The following FAM174B variants were observed in gnomAD, a reference collection of about 807,000 sequenced individuals.
FAM174B encodes the protein family with sequence similarity 174 member B.
In FAM174B, 12 loss-of-function variants were observed where a neutral mutation model predicts 10.9. The ratio of observed to expected loss-of-function variants is 1.10; its 90% CI spans 0.71 to 1.79. The LOEUF (loss-of-function observed/expected upper bound fraction) is 1.79, where lower values mean the gene tolerates loss of function less well. Among genes scored for constraint, FAM174B ranks in the 40% most tolerant of loss-of-function variants. The pLI, the probability that FAM174B is intolerant of heterozygous loss-of-function variation, is 0.00. For missense variants in FAM174B, 266 were observed against 233.3 expected (o/e 1.14, Z -0.91); for synonymous variants, 132 against 115.8 (o/e 1.14, Z -0.90).
intron 1 of FAM174B, among the ~76,000 whole-genome samples, chr15:92,638,652 C>A (rs1311773941): frequency 6.6e-6 from 1 of 152,210 alleles, no homozygotes; most frequent in African/African-American, 2.4e-5. Flanking sequence ...TCGTCATGAA[C>A]CCGAATTTCT....
Position 92,618,728 on chromosome 15 carries a change from GCACA to G in FAM174B, c.*724_*727del, listed in dbSNP as rs1474395382. The G allele has an allele frequency of 0.039, 5,795 of 148,602 alleles. 127 individuals are homozygous for G. The highest frequency in any genetic ancestry group is 0.076 in the Middle Eastern group (23 of 302). 9.2% of individuals were successfully genotyped at this position (148,602 alleles called of 1,614,324 possible). ...ACTGTTTTATAGGTATCACACACGT[GCACA>G]CGCACACACGTGCACACACACACAC... On this transcript the variant is annotated 3_prime_UTR_variant, in exon 3 of 3. Coordinates refer to ENST00000327355, the MANE Select transcript of FAM174B (RefSeq NM_207446.3).
At position 92,639,829 on chromosome 15, in the gene FAM174B, A is replaced by C. The variant is rs116607648; in HGVS notation, c.345-9484T>G. Among the ~76,000 whole-genome samples the C allele has an allele frequency of 5.4e-3, 829 of 152,238 alleles. 9 individuals are homozygous for C. Among genetic ancestry groups the C allele is most frequent in the African/African-American group, 0.019 (791 of 41,538 alleles). On this transcript the variant is annotated intron_variant, in intron 1 of 2. Coordinates refer to ENST00000327355, the MANE Select transcript of FAM174B (RefSeq NM_207446.3). The stretch of plus-strand genomic sequence containing the variant: ...CCCCTTTGCCTTCCACCATGATTGG[A>C]AGCTTCCTGAGGCCTCCCCAGAAGC...
chr15:92,654,483 T>A (rs2050987516), intron 1 of FAM174B, among the ~76,000 whole-genome samples: 1 of 152,150 alleles, frequency 6.6e-6, no homozygotes, highest in East Asian at 1.9e-4. Flanking sequence ...TCCACCAGGA[T>A]GGACAGGGAT....
intron 2 of FAM174B, among the ~76,000 whole-genome samples, chr15:92,628,146 A>G (rs945166139): frequency 1.3e-5 from 2 of 150,372 alleles, no homozygotes; most frequent in Non-Finnish European, 3.0e-5. Context: ...TATTATTTTC[A>G]TTGTTGTATT....
Position 92,618,980 on chromosome 15 carries a change from A to T in FAM174B, c.*476T>A. ...GAGGCCAGGACCTGACCAAGCCAAAAAAGCAGCAAAGGATCAGATGGGGTC... is the reference window on the plus strand; with the variant it reads ...GAGGCCAGGACCTGACCAAGCCAAATAAGCAGCAAAGGATCAGATGGGGTC... On this transcript the variant is annotated 3_prime_UTR_variant, in exon 3 of 3. Transcript: ENST00000327355. 1 of 588,642 alleles carries T rather than the reference A, an allele frequency of 1.7e-6. No individual in the cohort carries two copies. Among genetic ancestry groups the T allele is most frequent in the Non-Finnish European group, 3.0e-6 (1 of 331,870 alleles). The allele number at this position is 588,642 out of a possible 1,614,324, so 36.5% of individuals were successfully genotyped here.
intron 1 of FAM174B, among the ~76,000 whole-genome samples, chr15:92,649,019 G>A (rs2050947242): frequency 1.3e-5 from 2 of 152,206 alleles, no homozygotes; most frequent in African/African-American, 2.4e-5. Context: ...AAATCCAGGA[G>A]TGTTTCCCTC....
chr15:92,636,903 T>C (rs1028180219), intron 1 of FAM174B, among the ~76,000 whole-genome samples: 12 of 152,352 alleles, frequency 7.9e-5, no homozygotes, highest in African/African-American at 2.9e-4. Context: ...TGTGTCACTT[T>C]GCACAGCTCA....
intron 1 of FAM174B, among the ~76,000 whole-genome samples, chr15:92,654,799 AAAGAAGAAG>A (rs528819022): frequency 1.4e-5 from 2 of 146,848 alleles, no homozygotes; most frequent in East Asian, 3.9e-4. Flanking sequence ...AAAAAAAAAA[AAAGAAGAAG>A]AAGAAGAAGA....
At chr15:92,622,242 A>G (rs1331679744) in intron 2 of FAM174B, among the ~76,000 whole-genome samples, 1 of 152,208 alleles carries the variant, frequency 6.6e-6, no homozygotes, top group Admixed American at 6.5e-5. Context: ...CCGTGTGCTT[A>G]AGAAACGCCC....
intron 2 of FAM174B, among the ~76,000 whole-genome samples, chr15:92,628,341 T>C (rs1207524946): frequency 9.1e-4 from 38 of 41,872 alleles, no homozygotes; most frequent in Non-Finnish European, 1.9e-3. Flanking sequence ...ATTTTTGCTT[T>C]TTTTTTTTTT....
intron 2 of FAM174B, among the ~76,000 whole-genome samples, chr15:92,626,079 T>G (rs950038401): frequency 5.3e-5 from 8 of 151,602 alleles, no homozygotes; most frequent in Non-Finnish European, 7.4e-5. Flanking sequence ...ACATTTATCC[T>G]ACAAGAATTA....
intron 1 of FAM174B, among the ~76,000 whole-genome samples, chr15:92,642,131 T>C (rs1051061020): frequency 1.3e-5 from 2 of 152,184 alleles, no homozygotes; most frequent in Non-Finnish European, 1.5e-5. Context: ...CTTTATACCT[T>C]AGGATGGCTA....
At chr15:92,626,562 G>A (rs1415573191) in intron 2 of FAM174B, among the ~76,000 whole-genome samples, 1 of 152,152 alleles carries the variant, frequency 6.6e-6, no homozygotes, top group African/African-American at 2.4e-5. Flanking sequence ...ACAGCAGAGA[G>A]AAGCTGGCAG....
In FAM174B at chr15:92,617,640, C is replaced by G. The variant is rs1160367541; in HGVS notation, c.*1816G>C. On this transcript the variant is annotated 3_prime_UTR_variant, in exon 3 of 3. Coordinates refer to ENST00000327355, the MANE Select transcript of FAM174B (RefSeq NM_207446.3). The stretch of plus-strand genomic sequence containing the variant: ...AGATTCAGCTGCAGTTGTCGAAAAC[C>G]CTGTGTGAGCCAGCAGTTCCAGTTC... The G allele has an allele frequency of 3.0e-6, 2 of 662,510 alleles. No homozygotes were observed. Among genetic ancestry groups the G allele is most frequent in the Admixed American group, 5.0e-5 (2 of 39,662 alleles). The allele number at this position is 662,510 out of a possible 1,614,324, so 41.0% of individuals were successfully genotyped here. A position where few individuals can be genotyped will look rare whatever the true frequency, so the allele number is the denominator to read the frequency against.
intron 1 of FAM174B, among the ~76,000 whole-genome samples, chr15:92,632,914 ACTCT>A (rs71465757): frequency 1.3e-5 from 2 of 151,548 alleles, no homozygotes; most frequent in Admixed American, 6.6e-5. Flanking sequence ...CTAGCCTAAG[ACTCT>A]CTGCACGAAG....
intron 2 of FAM174B, chr15:92,619,714 T>A: frequency 1.8e-6 from 1 of 559,836 alleles, no homozygotes; most frequent in Non-Finnish European, 3.2e-6. Context: ...AACCTCTTTC[T>A]CCTTATATCC....
At chr15:92,635,945 T>C (rs285757) in intron 1 of FAM174B, among the ~76,000 whole-genome samples, 25,216 of 152,042 alleles carry the variant, frequency 0.17, 2,219 homozygotes, top group Middle Eastern at 0.24. Context: ...AGCCGGGAAA[T>C]TTAGGAACAG....
intron 1 of FAM174B, among the ~76,000 whole-genome samples, chr15:92,641,062 T>TCA (rs35507479): frequency 0.21 from 31,577 of 149,830 alleles, 3,588 homozygotes; most frequent in East Asian, 0.31. Flanking sequence ...CACAGGCAGT[T>TCA]CACACACACA....
chr15:92,631,718 G>A (rs1038499195), intron 1 of FAM174B, among the ~76,000 whole-genome samples: 11 of 150,606 alleles, frequency 7.3e-5, no homozygotes, highest in Admixed American at 4.0e-4. Context: ...GGATGGTCTC[G>A]ATCTCCTGAC....
Sources: allele counts gnomAD v4.1 joint callset (sites outside exome capture counted in the v4.1 genomes callset), GRCh38; gene constraint gnomAD v4.1.1; transcripts MANE v1.5; gene names NCBI Gene and HGNC (gene_info 2026-07-23, HGNC 2026-07-21).